The following SBDS variants were observed in gnomAD, a reference collection of about 807,000 sequenced individuals.
SBDS encodes the protein SBDS ribosome maturation factor, also known as ribosome maturation protein SBDS.
Under a neutral mutation model 26.4 loss-of-function variants are expected in SBDS, and 20 were observed. The observed-to-expected ratio is 0.76, with a 90% CI of 0.53 to 1.10. SBDS has a LOEUF of 1.10. Among genes scored for constraint, SBDS ranks in the 50% least tolerant of loss-of-function variants. SBDS has a pLI of 0.00. For missense variants in SBDS, 241 were observed against 302.0 expected, an observed-to-expected ratio of 0.80 and a Z score of 1.50; for synonymous variants, 95 against 105.1, an observed-to-expected ratio of 0.90 and a Z score of 0.59.
At position 66,988,299 on chromosome 7, in the gene SBDS, C is replaced by T; in HGVS notation, c.*72G>A. ...ATAGTTTAAGCAAGTATTTGGCAGA[C>T]CACAGACATGAAACAGTGCCGTCGG... On this transcript the variant is annotated 3_prime_UTR_variant, in exon 5 of 5. Coordinates refer to ENST00000246868, the MANE Select transcript of SBDS (RefSeq NM_016038.4). 3 of 1,539,752 alleles carry T rather than the reference C, an allele frequency of 1.9e-6. No individual in the cohort carries two copies. Among genetic ancestry groups the T allele is most frequent in the Non-Finnish European group, 2.7e-6 (3 of 1,121,234 alleles).
At chr7:66,992,387 C>T (rs1792992277) in intron 3 of SBDS, among the ~76,000 whole-genome samples, 1 of 151,932 alleles carries the variant, frequency 6.6e-6, no homozygotes, top group Non-Finnish European at 1.5e-5. Context: ...TGTTCTCGAA[C>T]CAGGTAGCAG....
At chr7:66,989,670 G>A (rs1404271199) in intron 4 of SBDS, among the ~76,000 whole-genome samples, 1 of 146,836 alleles carries the variant, frequency 6.8e-6, no homozygotes, top group Non-Finnish European at 1.5e-5. Context: ...TAATGGTTTC[G>A]CTGCTTCTTT....
intron 3 of SBDS, 98 bp from the exon 4 acceptor site, chr7:66,991,399 G>A (rs185437377): frequency 1.2e-6 from 1 of 852,358 alleles, no homozygotes; most frequent in Non-Finnish European, 1.8e-6. Flanking sequence ...TTAGGTAATG[G>A]TTTCTTAGGT....
At chr7:66,990,885 C>A (rs561455592) in intron 4 of SBDS, among the ~76,000 whole-genome samples, 1 of 151,886 alleles carries the variant, frequency 6.6e-6, no homozygotes, top group Non-Finnish European at 1.5e-5. Context: ...GGCTTGGTGG[C>A]GGGTGCCTGT....
At position 66,991,308 on chromosome 7, in the gene SBDS, A is replaced by T; in HGVS notation, c.460-7T>A. The T allele has an allele frequency of 6.2e-7, 1 of 1,605,334 alleles. No homozygotes were observed. Among genetic ancestry groups the T allele is most frequent in the Non-Finnish European group, 8.5e-7 (1 of 1,174,668 alleles). ...GCTTTATCACTTCCAAAGCCTACCA[A>T]GACAAAATCGAGAATGCAATTTCTT... On this transcript the variant is annotated splice_polypyrimidine_tract_variant and splice_region_variant and intron_variant, in intron 3 of 4. Transcript: ENST00000246868.
intron 1 of SBDS, among the ~76,000 whole-genome samples, chr7:66,994,938 A>G (rs1793065415): frequency 6.6e-6 from 1 of 152,186 alleles, no homozygotes. Flanking sequence ...ACTGAGATCT[A>G]TGACACCAGA....
At chr7:66,994,038 A>G (rs200427157) in intron 2 of SBDS, among the ~76,000 whole-genome samples, 174 bp downstream of exon 2, 1 of 148,034 alleles carries the variant, frequency 6.8e-6, no homozygotes, top group Non-Finnish European at 1.5e-5. Flanking sequence ...AAAAAAAAAA[A>G]CCACAAAAAA....
At chr7:66,990,308 G>A (rs531101562) in intron 4 of SBDS, among the ~76,000 whole-genome samples, 38 of 152,268 alleles carry the variant, frequency 2.5e-4, no homozygotes, top group Middle Eastern at 3.4e-3. Context: ...ATGAGCCACC[G>A]CGCCCAGCCA....
At position 66,988,372 on chromosome 7, in the gene SBDS, C is replaced by A; in HGVS notation, c.752G>T (p.Ter251LeuextTer11). 1 of 1,613,164 alleles carries A rather than the reference C, an allele frequency of 6.2e-7. No homozygotes were observed. The highest frequency in any genetic ancestry group is 1.1e-5 in the South Asian group (1 of 91,044). The change falls in exon 5 of 5, where the codon TGA (stop) becomes TTA (leucine). Residue 251 changes from the stop codon to leucine, a stop_lost. Transcript: ENST00000246868. ...TAGAGGTGAAGAGATTGATGGGTGT[C>A]ATTCAAATTTCTCATCTCCTTCTTC... ...DVEEGDEKFE[*>L]
intron 1 of SBDS, among the ~76,000 whole-genome samples, 194 bp from the exon 2 acceptor site, chr7:66,994,535 C>T (rs888926595): frequency 2.0e-5 from 3 of 150,752 alleles, no homozygotes; most frequent in African/African-American, 4.9e-5. Flanking sequence ...ACTGTTTTTG[C>T]CCAGGCTGGA....
At chr7:66,992,990 G>T (rs13309750) in intron 3 of SBDS, among the ~76,000 whole-genome samples, 1 of 148,836 alleles carries the variant, frequency 6.7e-6, no homozygotes, top group Non-Finnish European at 1.5e-5. Flanking sequence ...CTGGGCAATA[G>T]AGTAAGACTC....
At chr7:66,990,163 G>T (rs1454625555) in intron 4 of SBDS, among the ~76,000 whole-genome samples, 1 of 152,114 alleles carries the variant, frequency 6.6e-6, no homozygotes, top group Admixed American at 6.6e-5. Context: ...GGGATTACAG[G>T]CATGTGCCAC....
chr7:66,990,521 C>G (rs1287224402), intron 4 of SBDS, among the ~76,000 whole-genome samples: 1 of 152,110 alleles, frequency 6.6e-6, no homozygotes, highest in Non-Finnish European at 1.5e-5. Context: ...GTGCTTTGTA[C>G]TAATTTTTGC....
In SBDS at chr7:66,995,488, G is replaced by A; in HGVS notation, c.-71C>T. Reference sequence around the variant, plus strand: ...GCGCCGTCCAGCCTGAAGGCCACCAGCGCCTCGCGGTAACGACCGATCGGC... The same window carrying A: ...GCGCCGTCCAGCCTGAAGGCCACCAACGCCTCGCGGTAACGACCGATCGGC... On this transcript the variant is annotated 5_prime_UTR_variant, in exon 1 of 5. Transcript: ENST00000246868. 2 of 1,608,210 alleles carry A rather than the reference G, an allele frequency of 1.2e-6. No individual in the cohort carries two copies. The highest frequency in any genetic ancestry group is 1.7e-6 in the Non-Finnish European group (2 of 1,176,894).
In SBDS at chr7:66,993,307, T is replaced by G. The variant is rs767471298; in HGVS notation, c.369A>C (p.Glu123Asp). ...TIVADKCVNP[E>D]TKRPYTVILI... is the part of the protein sequence containing the mutation. Reference sequence around the variant, plus strand: ...GGATCACGGTGTATGGTCTCTTTGTTTCAGGATTCACACATTTGTCTGCCA... The same window carrying G: ...GGATCACGGTGTATGGTCTCTTTGTGTCAGGATTCACACATTTGTCTGCCA... Residue 123 changes from glutamate (E) to aspartate (D), a missense_variant, in exon 3 of 5, where the codon GAA (glutamate) becomes GAC (aspartate). By Grantham distance (45) the Glu-to-Asp change is conservative. Coordinates refer to ENST00000246868, the MANE Select transcript of SBDS (RefSeq NM_016038.4). The G allele has an allele frequency of 5.6e-6, 9 of 1,614,044 alleles. No homozygotes were observed. In the Admixed American group the frequency reaches 1.5e-4, roughly 27 times the overall value.
chr7:66,994,025 A>AT, intron 2 of SBDS, among the ~76,000 whole-genome samples, 187 bp downstream of exon 2: 2 of 150,530 alleles, frequency 1.3e-5, no homozygotes, highest in East Asian at 4.0e-4. Flanking sequence ...TTGGCAAAAA[A>AT]AAAAAAAAAA....
intron 3 of SBDS, among the ~76,000 whole-genome samples, chr7:66,992,290 G>A (rs1167573245): frequency 6.6e-6 from 1 of 152,126 alleles, no homozygotes; most frequent in Non-Finnish European, 1.5e-5. Context: ...CATAACGAGA[G>A]GAGATTAGTG....
chr7:66,990,610 A>G (rs1268298937), intron 4 of SBDS, among the ~76,000 whole-genome samples: 1 of 152,206 alleles, frequency 6.6e-6, no homozygotes. Context: ...AATAGTTGCT[A>G]AATTTGCTAA....
rs190440127 is a variant in SBDS, at chr7:66,989,642, G to A, written c.625-1143C>T. Among the ~76,000 whole-genome samples the A allele has an allele frequency of 5.0e-3, 761 of 152,212 alleles. 7 individuals are homozygous for A. The highest frequency in any genetic ancestry group is 0.017 in the African/African-American group (721 of 41,522). On this transcript the variant is annotated intron_variant, in intron 4 of 4. Transcript: ENST00000246868. ...ATTTACACTGTGTTTGAAGCTGTGGGGTGAGGTCATAAGGACATAATGGTT... is the reference window on the plus strand; with the variant it reads ...ATTTACACTGTGTTTGAAGCTGTGGAGTGAGGTCATAAGGACATAATGGTT...
Sources: gnomAD v4.1 joint callset for allele counts (sites outside exome capture counted in the v4.1 genomes callset) on GRCh38, gnomAD v4.1.1 for gene constraint, MANE v1.5 for transcripts, NCBI Gene and HGNC (gene_info 2026-07-23, HGNC 2026-07-21) for gene names.